SCHIP1: variants seen among roughly 807,000 people sequenced by gnomAD.
SCHIP1 encodes schwannomin-interacting protein 1.
Under a neutral mutation model 29.7 loss-of-function variants are expected in SCHIP1, and 8 were observed. That is an observed-to-expected ratio of 0.27 (90% confidence interval 0.16 to 0.49). The LOEUF (loss-of-function observed/expected upper bound fraction) is 0.49, where lower values mean the gene tolerates loss of function less well. SCHIP1 is among the 20% of genes least tolerant of loss of function. The pLI, the probability that SCHIP1 is intolerant of heterozygous loss-of-function variation, is 0.99. For synonymous variants in SCHIP1, 76 were observed against 94.9 expected (o/e 0.80, Z 1.16); for missense variants, 193 against 294.6 (o/e 0.66, Z 2.52).
chr3:159,663,343 G>A, the SCHIP1 span, among the ~76,000 whole-genome samples: 2 of 152,132 alleles, frequency 1.3e-5, no homozygotes, highest in Non-Finnish European at 2.9e-5. Context: ...GAGGGTTCCG[G>A]GTGAAGTTCT....
chr3:159,553,509 G>A, the SCHIP1 span, among the ~76,000 whole-genome samples: 5 of 152,298 alleles, frequency 3.3e-5, no homozygotes, highest in African/African-American at 1.2e-4. Flanking sequence ...AAAACAAATA[G>A]AAATGCTGAT....
At chr3:159,489,985 T>G in the SCHIP1 span, among the ~76,000 whole-genome samples, 73 of 152,250 alleles carry the variant, frequency 4.8e-4, 2 homozygotes, top group South Asian at 0.014. Flanking sequence ...GAAGAGGGGC[T>G]GAGTATGAAG....
At chr3:159,731,838 C>A in the SCHIP1 span, among the ~76,000 whole-genome samples, 1 of 152,108 alleles carries the variant, frequency 6.6e-6, no homozygotes, top group East Asian at 1.9e-4. Flanking sequence ...AAAATTAGCC[C>A]ACCAAATATC....
chr3:159,564,465 C>T, the SCHIP1 span, among the ~76,000 whole-genome samples: 1 of 152,090 alleles, frequency 6.6e-6, no homozygotes, highest in Non-Finnish European at 1.5e-5. Flanking sequence ...CAACCTCTGC[C>T]TCCCGAGTTC....
At chr3:159,488,241 C>T in the SCHIP1 span, among the ~76,000 whole-genome samples, 1 of 151,614 alleles carries the variant, frequency 6.6e-6, no homozygotes, top group Admixed American at 6.6e-5. Context: ...CAAAAAATAG[C>T]TAGAATGAAT....
the SCHIP1 span, among the ~76,000 whole-genome samples, chr3:159,609,647 C>G: frequency 6.6e-6 from 1 of 152,098 alleles, no homozygotes; most frequent in Admixed American, 6.5e-5. Flanking sequence ...CCAGCCCTGT[C>G]CCTTCCCACT....
At chr3:159,891,264 G>A (rs1342647716) in intron 5 of SCHIP1, among the ~76,000 whole-genome samples, 13 of 152,228 alleles carry the variant, frequency 8.5e-5, no homozygotes, top group African/African-American at 2.2e-4. Context: ...CCAGCTACTC[G>A]GAAGGCTGAG....
chr3:159,426,685 G>T, the SCHIP1 span, among the ~76,000 whole-genome samples: 1 of 152,198 alleles, frequency 6.6e-6, no homozygotes, highest in Non-Finnish European at 1.5e-5. Flanking sequence ...CTCATTTTAT[G>T]AGGCCAGCAT....
the SCHIP1 span, among the ~76,000 whole-genome samples, chr3:159,423,060 C>T: frequency 6.6e-6 from 1 of 152,132 alleles, no homozygotes; most frequent in Non-Finnish European, 1.5e-5. Context: ...AAGAATATGT[C>T]ATGGCAGGGG....
the SCHIP1 span, among the ~76,000 whole-genome samples, chr3:159,790,002 T>G: frequency 6.6e-6 from 1 of 152,182 alleles, no homozygotes; most frequent in African/African-American, 2.4e-5. Flanking sequence ...GTGATTTAAT[T>G]GCTGCAACCG....
chr3:159,567,647 G>A, the SCHIP1 span, among the ~76,000 whole-genome samples: 1 of 152,026 alleles, frequency 6.6e-6, no homozygotes. Context: ...CTCTACAATA[G>A]TACTACATCA....
chr3:159,643,257 A>G, the SCHIP1 span, among the ~76,000 whole-genome samples: 2 of 152,118 alleles, frequency 1.3e-5, no homozygotes, highest in Non-Finnish European at 1.5e-5. Context: ...CTGTTTCCCA[A>G]GAATTCTCAA....
chr3:159,494,679 G>A, the SCHIP1 span, among the ~76,000 whole-genome samples: 1 of 152,152 alleles, frequency 6.6e-6, no homozygotes, highest in African/African-American at 2.4e-5. Context: ...AGAGGTACAA[G>A]GAGGAGCTGG....
the SCHIP1 span, among the ~76,000 whole-genome samples, chr3:159,397,287 T>C: frequency 6.6e-6 from 1 of 152,108 alleles, no homozygotes; most frequent in Non-Finnish European, 1.5e-5. Context: ...TAGCTCAGAG[T>C]AATTTGATCG....
the SCHIP1 span, among the ~76,000 whole-genome samples, chr3:159,662,379 G>C: frequency 2.6e-5 from 4 of 152,154 alleles, no homozygotes; most frequent in Non-Finnish European, 2.9e-5. Context: ...TTACGTTTGA[G>C]TACTATTTCT....
At chr3:159,305,882 T>C in the SCHIP1 span, among the ~76,000 whole-genome samples, 1 of 152,142 alleles carries the variant, frequency 6.6e-6, no homozygotes, top group Non-Finnish European at 1.5e-5. Context: ...GCTGCCCTAT[T>C]AGCCCACTCC....
the SCHIP1 span, among the ~76,000 whole-genome samples, chr3:159,422,919 G>A: frequency 6.6e-6 from 1 of 150,926 alleles, no homozygotes; most frequent in African/African-American, 2.4e-5. Flanking sequence ...TCTAGTGCAT[G>A]GAATTATGGT....
the SCHIP1 span, among the ~76,000 whole-genome samples, chr3:159,550,871 A>ATT: frequency 6.6e-6 from 1 of 152,196 alleles, no homozygotes; most frequent in African/African-American, 2.4e-5. Context: ...CCTCAATGAG[A>ATT]AATTAATGTC....
the SCHIP1 span, among the ~76,000 whole-genome samples, chr3:159,526,219 C>T: frequency 1.6e-4 from 24 of 152,270 alleles, no homozygotes; most frequent in Admixed American, 4.6e-4. Context: ...GCTTTATTGC[C>T]CAGGCTGAAT....
Sources: gnomAD v4.1 joint callset for allele counts (sites outside exome capture counted in the v4.1 genomes callset) on GRCh38, gnomAD v4.1.1 for gene constraint, MANE v1.5 for transcripts, NCBI Gene and HGNC (gene_info 2026-07-23, HGNC 2026-07-21) for gene names.